The following PTPRD variants were observed in gnomAD, a reference collection of about 807,000 sequenced individuals.
PTPRD encodes the protein receptor-type tyrosine-protein phosphatase delta.
In PTPRD, 34 loss-of-function variants were observed where a neutral mutation model predicts 214.5. That is an observed-to-expected ratio of 0.16 (90% CI 0.12 to 0.21). PTPRD has a LOEUF of 0.21. Ranked by LOEUF, PTPRD falls within the 10% of genes least tolerant of loss-of-function variation. PTPRD has a pLI of 1.00. For missense variants in PTPRD, 2,545 were observed against 2,398.7 expected (o/e 1.06, Z -1.27); for synonymous variants, 1,128 against 845.7 (o/e 1.33, Z -5.79).
intron 9 of PTPRD, among the ~76,000 whole-genome samples, chr9:9,327,879 C>T (rs909935728): frequency 6.7e-6 from 1 of 148,258 alleles, no homozygotes; most frequent in African/African-American, 2.5e-5. Flanking sequence ...ATAAAATACA[C>T]TAACACTAAC....
intron 8 of PTPRD, among the ~76,000 whole-genome samples, chr9:9,413,360 C>T (rs1477744202): frequency 5.3e-5 from 8 of 150,436 alleles, no homozygotes; most frequent in Admixed American, 5.3e-4. Flanking sequence ...ATGATCCACC[C>T]GCCTCGGCCT....
intron 8 of PTPRD, among the ~76,000 whole-genome samples, chr9:9,436,861 G>A (rs1259855822): frequency 6.7e-6 from 1 of 149,542 alleles, no homozygotes; most frequent in Non-Finnish European, 1.5e-5. Flanking sequence ...GTCTCTTTTT[G>A]CTTATATACC....
chr9:8,364,700 T>C (rs1564297711), intron 39 of PTPRD, among the ~76,000 whole-genome samples: 1 of 152,234 alleles, frequency 6.6e-6, no homozygotes, highest in Non-Finnish European at 1.5e-5. Context: ...AGTTTATCTA[T>C]CTCTGACATC....
chr9:8,433,203 C>A (rs1487461657), intron 35 of PTPRD, among the ~76,000 whole-genome samples: 1 of 152,094 alleles, frequency 6.6e-6, no homozygotes, highest in South Asian at 2.1e-4. Context: ...TGGTAGCTGT[C>A]GTAACGTCCT....
Position 9,411,740 on chromosome 9 carries a change from C to G in PTPRD, c.-236-14258G>C, listed in dbSNP as rs75969849. ...CTGCCTGTTAACTGAGAGCATTTCT[C>G]TTAATGTTTTAAATTAACCAAAGAA... On this transcript the variant is annotated intron_variant, in intron 8 of 45. Coordinates refer to ENST00000381196, the MANE Select transcript of PTPRD (RefSeq NM_002839.4). Among the ~76,000 whole-genome samples the G allele has an allele frequency of 7.6e-3, 1,164 of 152,300 alleles. 23 individuals carry two copies. Among genetic ancestry groups the G allele is most frequent in the East Asian group, 0.06 (311 of 5,182 alleles).
intron 4 of PTPRD, among the ~76,000 whole-genome samples, chr9:9,957,568 A>G (rs2094029278): frequency 6.6e-6 from 1 of 152,146 alleles, no homozygotes; most frequent in Non-Finnish European, 1.5e-5. Context: ...CTATGAGGCT[A>G]TTTTTCTAAT....
chr9:8,991,573 T>A (rs1035776113), intron 11 of PTPRD, among the ~76,000 whole-genome samples: 1 of 151,988 alleles, frequency 6.6e-6, no homozygotes, highest in African/African-American at 2.4e-5. Flanking sequence ...TGTGTGGGAG[T>A]AAGATGAAAA....
intron 10 of PTPRD, among the ~76,000 whole-genome samples, chr9:9,096,415 G>A (rs10977483): frequency 0.11 from 16,948 of 152,110 alleles, 1,175 homozygotes; most frequent in East Asian, 0.23. Context: ...AATGGAATGC[G>A]ACATTTTGGT....
chr9:8,522,747 A>G (rs899256281), intron 19 of PTPRD, among the ~76,000 whole-genome samples: 11 of 152,204 alleles, frequency 7.2e-5, no homozygotes, highest in African/African-American at 2.7e-4. Context: ...AATTGGTTTC[A>G]TCTGGGGCTT....
At position 10,418,241 on chromosome 9, in the gene PTPRD, T is replaced by A. The variant is rs182880889; in HGVS notation, c.-599-77224A>T. Among the ~76,000 whole-genome samples, 3 of 151,986 alleles carry A rather than the reference T, an allele frequency of 2.0e-5. No individual in the cohort carries two copies. In the East Asian group the frequency reaches 5.9e-4, roughly 30 times the overall value. On this transcript the variant is annotated intron_variant, in intron 2 of 45. Coordinates refer to ENST00000381196, the MANE Select transcript of PTPRD (RefSeq NM_002839.4). ...CAGCAAAAGTGTGTTTATATCTAGC[T>A]CAAGACAAATATAATAGCATTATGT...
At chr9:8,910,899 G>A (rs781216394) in intron 11 of PTPRD, among the ~76,000 whole-genome samples, 22 of 152,122 alleles carry the variant, frequency 1.4e-4, no homozygotes, top group Non-Finnish European at 2.5e-4. Flanking sequence ...CAAAAGAAGC[G>A]CAAGCCTTGT....
At chr9:8,942,597 T>C (rs761664425) in intron 11 of PTPRD, among the ~76,000 whole-genome samples, 17 of 152,140 alleles carry the variant, frequency 1.1e-4, no homozygotes, top group East Asian at 7.7e-4. Context: ...AGAAATTCCA[T>C]TGCAGTTATT....
intron 10 of PTPRD, chr9:9,090,803 A>T (rs1275251480): frequency 1.4e-6 from 1 of 691,388 alleles, no homozygotes; most frequent in African/African-American, 1.8e-5. Context: ...TCTTCAAATA[A>T]CTCTTAATGA....
At chr9:8,504,499 G>C in intron 22 of PTPRD, 94 bp from the exon 23 acceptor site, 2 of 1,372,750 alleles carry the variant, frequency 1.5e-6, no homozygotes, top group East Asian at 2.3e-5. Context: ...CTATCATCAG[G>C]ATTATAATCT....
chr9:9,153,495 T>G (rs541170312), intron 10 of PTPRD, among the ~76,000 whole-genome samples: 1 of 152,288 alleles, frequency 6.6e-6, no homozygotes, highest in East Asian at 1.9e-4. Flanking sequence ...ATTATGAAAT[T>G]TATAAAATGT....
At chr9:8,764,412 G>T (rs750434093) in intron 11 of PTPRD, among the ~76,000 whole-genome samples, 2 of 152,116 alleles carry the variant, frequency 1.3e-5, no homozygotes, top group East Asian at 3.8e-4. Flanking sequence ...TGACAGTTTA[G>T]AGATTTAAAA....
chr9:10,189,423 G>C (rs534702109), intron 3 of PTPRD, among the ~76,000 whole-genome samples: 26 of 152,258 alleles, frequency 1.7e-4, no homozygotes, highest in Admixed American at 7.2e-4. Flanking sequence ...GGGATTAAAT[G>C]TGATAACACC....
intron 5 of PTPRD, among the ~76,000 whole-genome samples, chr9:9,819,943 C>T (rs2050140650): frequency 6.6e-6 from 1 of 152,114 alleles, no homozygotes; most frequent in Admixed American, 6.6e-5. Flanking sequence ...GTGAATAGCA[C>T]TGCAATGAAA....
intron 8 of PTPRD, among the ~76,000 whole-genome samples, chr9:9,505,655 C>T (rs2154235737): frequency 6.6e-6 from 1 of 151,560 alleles, no homozygotes; most frequent in East Asian, 1.9e-4. Context: ...TTCATCTAGG[C>T]ATGCTCACAC....
Sources: allele counts gnomAD v4.1 joint callset (sites outside exome capture counted in the v4.1 genomes callset), GRCh38; gene constraint gnomAD v4.1.1; transcripts MANE v1.5; gene names NCBI Gene and HGNC (gene_info 2026-07-23, HGNC 2026-07-21).